The following FHIT variants were observed in gnomAD, a reference collection of about 807,000 sequenced individuals.
FHIT encodes fragile histidine triad diadenosine triphosphatase, also known as bis(5'-adenosyl)-triphosphatase.
FHIT carries 19 observed loss-of-function variants against 17.9 expected under a neutral mutation model. The ratio of observed to expected loss-of-function variants is 1.06; its 90% confidence interval spans 0.74 to 1.56. The LOEUF is 1.56. Ranked by LOEUF, FHIT falls within the 40% of genes most tolerant of loss-of-function variation. The probability of loss-of-function intolerance (pLI) is 0.00; values close to 1 mark genes in which losing one functional copy is unlikely to be tolerated. For missense variants in FHIT, 248 were observed against 189.2 expected (o/e 1.31, Z -1.82); for synonymous variants, 81 against 69.7 (o/e 1.16, Z -0.81).
chr3:60,162,767 T>G (rs1700996208), intron 5 of FHIT, among the ~76,000 whole-genome samples: 1 of 152,176 alleles, frequency 6.6e-6, no homozygotes, highest in African/African-American at 2.4e-5. Context: ...TACGCTATAC[T>G]CCTACCTATA....
intron 4 of FHIT, among the ~76,000 whole-genome samples, chr3:60,762,346 G>A (rs575211045): frequency 2.6e-5 from 4 of 152,286 alleles, no homozygotes; most frequent in African/African-American, 9.6e-5. Flanking sequence ...AAAAAAGTCT[G>A]TTGAAAAGGG....
intron 2 of FHIT, among the ~76,000 whole-genome samples, chr3:61,167,654 A>AAGAAAAG (rs2037880209): frequency 6.6e-6 from 1 of 151,326 alleles, no homozygotes; most frequent in South Asian, 2.1e-4. Flanking sequence ...AAAGAAAGAA[A>AAGAAAAG]AGAAAAGAGA....
intron 3 of FHIT, among the ~76,000 whole-genome samples, chr3:60,857,045 C>G (rs1376831589): frequency 6.6e-6 from 1 of 152,122 alleles, no homozygotes; most frequent in African/African-American, 2.4e-5. Context: ...TTGATTGACT[C>G]TCTTCTCCTT....
intron 8 of FHIT, among the ~76,000 whole-genome samples, chr3:59,815,582 C>T (rs532091834): frequency 1.2e-4 from 19 of 152,220 alleles, no homozygotes; most frequent in Non-Finnish European, 2.2e-4. Context: ...TAATGGCATT[C>T]GCAGCAACCT....
At chr3:61,095,595 C>G (rs1235945552) in intron 2 of FHIT, among the ~76,000 whole-genome samples, 2 of 152,160 alleles carry the variant, frequency 1.3e-5, no homozygotes, top group African/African-American at 4.8e-5. Context: ...TGCACAGCAG[C>G]ACAGCCTAAA....
At chr3:60,327,661 C>T (rs2106835678) in intron 5 of FHIT, among the ~76,000 whole-genome samples, 1 of 152,252 alleles carries the variant, frequency 6.6e-6, no homozygotes, top group Admixed American at 6.5e-5. Context: ...AGAAGACTCT[C>T]ATAAAAGACA....
At chr3:60,445,462 A>T (rs1437894009) in intron 5 of FHIT, among the ~76,000 whole-genome samples, 1 of 148,656 alleles carries the variant, frequency 6.7e-6, no homozygotes, top group East Asian at 1.9e-4. Flanking sequence ...ATCCACTTTT[A>T]TAAAAAGAAG....
At chr3:61,014,779 C>CAAAAA (rs869289360) in intron 3 of FHIT, among the ~76,000 whole-genome samples, 3 of 65,808 alleles carry the variant, frequency 4.6e-5, no homozygotes, top group African/African-American at 2.3e-4. Context: ...GACTCTGCCT[C>CAAAAA]AAAAAAAAAA....
At chr3:61,005,505 A>AT (rs1444265141) in intron 3 of FHIT, among the ~76,000 whole-genome samples, 1 of 152,104 alleles carries the variant, frequency 6.6e-6, no homozygotes, top group African/African-American at 2.4e-5. Flanking sequence ...AATAGTGATG[A>AT]TAAGAACCAC....
chr3:60,581,333 A>T (rs961661912), intron 4 of FHIT, among the ~76,000 whole-genome samples: 6 of 152,096 alleles, frequency 3.9e-5, no homozygotes. Context: ...TGAGAGATGA[A>T]CCTAGAGAAC....
chr3:59,841,682 C>T (rs1701537962), intron 8 of FHIT, among the ~76,000 whole-genome samples: 1 of 152,100 alleles, frequency 6.6e-6, no homozygotes, highest in African/African-American at 2.4e-5. Flanking sequence ...CCCAAGAACC[C>T]AACCCATGAC....
intron 4 of FHIT, among the ~76,000 whole-genome samples, chr3:60,760,558 A>C (rs1553719529): frequency 6.6e-6 from 1 of 152,194 alleles, no homozygotes; most frequent in African/African-American, 2.4e-5. Flanking sequence ...ATATTAATGA[A>C]AGATATTAAT....
At chr3:60,503,443 C>T (rs888863084) in intron 5 of FHIT, among the ~76,000 whole-genome samples, 12 of 152,068 alleles carry the variant, frequency 7.9e-5, no homozygotes, top group African/African-American at 2.4e-4. Flanking sequence ...AGCAAAGATG[C>T]TATGTCTCAG....
At chr3:61,154,117 A>C (rs542758347) in intron 2 of FHIT, among the ~76,000 whole-genome samples, 2 of 152,316 alleles carry the variant, frequency 1.3e-5, no homozygotes, top group Admixed American at 1.3e-4. Flanking sequence ...TTAAAAATTA[A>C]ATACAGTATA....
intron 5 of FHIT, among the ~76,000 whole-genome samples, chr3:60,293,907 A>G (rs1255050384): frequency 6.6e-6 from 1 of 152,178 alleles, no homozygotes; most frequent in African/African-American, 2.4e-5. Context: ...TAAAAAATAT[A>G]TTAGTTTAGA....
intron 5 of FHIT, among the ~76,000 whole-genome samples, chr3:60,363,767 C>T (rs958812540): frequency 4.6e-5 from 7 of 152,150 alleles, no homozygotes; most frequent in Admixed American, 2.0e-4. Context: ...CCCCTGGCCC[C>T]CCTGGCTTCA....
At chr3:60,402,121 T>C (rs1222675925) in intron 5 of FHIT, among the ~76,000 whole-genome samples, 1 of 152,196 alleles carries the variant, frequency 6.6e-6, no homozygotes, top group East Asian at 1.9e-4. Context: ...CTTTATCATC[T>C]TGCATTCTAC....
intron 2 of FHIT, among the ~76,000 whole-genome samples, chr3:61,090,256 A>C (rs2035438808): frequency 6.6e-6 from 1 of 152,210 alleles, no homozygotes; most frequent in Non-Finnish European, 1.5e-5. Flanking sequence ...TCAAAGTGTG[A>C]GAATCATTTG....
chr3:60,258,729 G>T (rs1706145691), intron 5 of FHIT, among the ~76,000 whole-genome samples: 1 of 152,052 alleles, frequency 6.6e-6, no homozygotes, highest in Admixed American at 6.6e-5. Flanking sequence ...CTCAAAATAG[G>T]GAAGCCTGTG....
Sources: allele counts gnomAD v4.1 joint callset (sites outside exome capture counted in the v4.1 genomes callset), GRCh38; gene constraint gnomAD v4.1.1; transcripts MANE v1.5; gene names NCBI Gene and HGNC (gene_info 2026-07-23, HGNC 2026-07-21).